Variants in PKP2 observed in about 807,000 individuals in gnomAD.
The protein encoded by PKP2 is plakophilin 2, also known as plakophilin-2.
In PKP2, 73 loss-of-function variants were observed where a neutral mutation model predicts 83.4. The observed-to-expected ratio is 0.88, with a 90% CI of 0.72 to 1.06. PKP2 has a LOEUF of 1.06. PKP2 is among the 50% of genes least tolerant of loss of function. PKP2 has a pLI of 0.00. For missense variants in PKP2, 966 were observed against 1,065.4 expected, an observed-to-expected ratio of 0.91 and a Z score of 1.30; for synonymous variants, 409 against 430.4, an observed-to-expected ratio of 0.95 and a Z score of 0.62.
chr12:32,834,400 A>C (rs1956527140), intron 6 of PKP2, among the ~76,000 whole-genome samples: 1 of 152,236 alleles, frequency 6.6e-6, no homozygotes, highest in African/African-American at 2.4e-5. Flanking sequence ...TCATTCTCAA[A>C]TTTCTGATAG....
At chr12:32,841,235 A>G in intron 5 of PKP2, 30 bp from the exon 6 acceptor site, 2 of 1,589,090 alleles carry the variant, frequency 1.3e-6, no homozygotes, top group Non-Finnish European at 1.7e-6. Context: ...CCATGAAAAC[A>G]GTGCAGGGTG....
At chr12:32,873,980 C>A (rs1314916942) in intron 3 of PKP2, among the ~76,000 whole-genome samples, 1 of 152,088 alleles carries the variant, frequency 6.6e-6, no homozygotes, top group African/African-American at 2.4e-5. Flanking sequence ...AAACCTTTTT[C>A]ATCAGTTTGA....
At chr12:32,862,923 C>T (rs1347096244) in intron 4 of PKP2, among the ~76,000 whole-genome samples, 2 of 151,860 alleles carry the variant, frequency 1.3e-5, no homozygotes, top group East Asian at 1.9e-4. Flanking sequence ...TGCATGAACA[C>T]GAAAGGTGGA....
intron 4 of PKP2, among the ~76,000 whole-genome samples, chr12:32,857,515 T>C (rs1417059079): frequency 6.6e-6 from 1 of 152,158 alleles, no homozygotes; most frequent in Admixed American, 6.6e-5. Context: ...GAAAAGCTGC[T>C]ACTGGTTTTA....
At chr12:32,813,926 G>C (rs1280500511) in intron 9 of PKP2, among the ~76,000 whole-genome samples, 5 of 152,094 alleles carry the variant, frequency 3.3e-5, no homozygotes, top group Non-Finnish European at 7.4e-5. Flanking sequence ...ATTTTCTAAT[G>C]TTTGTTCTAT....
chr12:32,892,568 G>A (rs944272627), intron 1 of PKP2, among the ~76,000 whole-genome samples: 1 of 151,974 alleles, frequency 6.6e-6, no homozygotes, highest in Non-Finnish European at 1.5e-5. Context: ...CACCCGTCTC[G>A]GCCTCCTAAA....
intron 4 of PKP2, among the ~76,000 whole-genome samples, chr12:32,864,377 T>C (rs1370030862): frequency 6.7e-6 from 1 of 149,796 alleles, no homozygotes; most frequent in Non-Finnish European, 1.5e-5. Flanking sequence ...ATATTATCTA[T>C]TCTATATACT....
In PKP2 at chr12:32,869,066, GACAA is replaced by G. The variant is rs1235665805; in HGVS notation, c.1035-8_1035-5del. 1.2e-6 allele frequency: 2 copies of G among 1,613,668 alleles called. No individual in the cohort carries two copies. Among genetic ancestry groups the G allele is most frequent in the Non-Finnish European group, 1.7e-6 (2 of 1,180,014 alleles). Reference sequence around the variant, plus strand: ...AGTCATCTCCATGTCTGCATTCCTAGACAAACAGGCACAGATTCAGCCAGATTCC... The same window carrying G: ...AGTCATCTCCATGTCTGCATTCCTAGACAGGCACAGATTCAGCCAGATTCC... On this transcript the variant is annotated splice_polypyrimidine_tract_variant and splice_region_variant and intron_variant, in intron 3 of 12. Coordinates refer to ENST00000340811, the MANE Select transcript of PKP2 (RefSeq NM_001005242.3).
At chr12:32,814,211 CA>C (rs1215384669) in intron 9 of PKP2, among the ~76,000 whole-genome samples, 2 of 152,216 alleles carry the variant, frequency 1.3e-5, no homozygotes, top group African/African-American at 4.8e-5. Context: ...TTTGCTATCA[CA>C]AGGCCTATTA....
chr12:32,829,339 T>C lies in PKP2; in HGVS notation c.1557-5177A>G, dbSNP rs144222555. 1.7e-4 allele frequency among the ~76,000 whole-genome samples: 26 copies of C among 150,960 alleles called. No individual in the cohort carries two copies. In the East Asian group the frequency reaches 5.2e-3, roughly 30 times the overall value. On this transcript the variant is annotated intron_variant, in intron 6 of 12. Coordinates refer to ENST00000340811, the MANE Select transcript of PKP2 (RefSeq NM_001005242.3). ...GCACAATCACAGCTCACTGCAGCCT[T>C]AACCTCCTCGGCTCAAGGGATCTTC...
intron 6 of PKP2, among the ~76,000 whole-genome samples, chr12:32,825,695 G>A (rs1956432820): frequency 6.6e-6 from 1 of 152,102 alleles, no homozygotes; most frequent in Non-Finnish European, 1.5e-5. Context: ...TTGAGCCCAG[G>A]AGTTTAAGAC....
At chr12:32,857,239 T>G (rs1196322945) in intron 4 of PKP2, among the ~76,000 whole-genome samples, 1 of 151,970 alleles carries the variant, frequency 6.6e-6, no homozygotes, top group East Asian at 1.9e-4. Context: ...GCCTGGGCAA[T>G]GCAGGGAGAT....
chr12:32,846,745 C>CAAAAAAA lies in PKP2; in HGVS notation c.1378+4014_1378+4020dup, dbSNP rs574053559. ...GGGTAACAAGAATGAAACTTCTTCTCAAAAAAAAAAAAAAAAAAGAAGAGA... is the reference window on the plus strand; with the variant it reads ...GGGTAACAAGAATGAAACTTCTTCTCAAAAAAAAAAAAAAAAAAAAAAAAAGAAGAGA... On this transcript the variant is annotated intron_variant, in intron 5 of 12. Coordinates refer to ENST00000340811, the MANE Select transcript of PKP2 (RefSeq NM_001005242.3). Among the ~76,000 whole-genome samples, 27 of 74,880 alleles carry CAAAAAAA rather than the reference C, an allele frequency of 3.6e-4. 1 individual carries two copies. Among genetic ancestry groups the CAAAAAAA allele is most frequent in the African/African-American group, 9.6e-4 (17 of 17,726 alleles). 49.1% of individuals were successfully genotyped at this position (74,880 alleles called of 152,430 possible). A position where few individuals can be genotyped will look rare whatever the true frequency, so the allele number is the denominator to read the frequency against.
intron 10 of PKP2, among the ~76,000 whole-genome samples, chr12:32,800,500 C>T (rs1956169396): frequency 1.3e-5 from 2 of 152,148 alleles, no homozygotes; most frequent in African/African-American, 2.4e-5. Context: ...GAGAGCTCAG[C>T]GTTCATCTAA....
intron 6 of PKP2, among the ~76,000 whole-genome samples, chr12:32,828,425 A>G (rs1956463300): frequency 1.3e-5 from 2 of 152,216 alleles, no homozygotes; most frequent in Non-Finnish European, 2.9e-5. Flanking sequence ...ATGGTAAACC[A>G]AAGAATGGAC....
At chr12:32,819,313 C>CAATAAAATAAAATAAAATAA (rs1201854178) in intron 9 of PKP2, among the ~76,000 whole-genome samples, 11 of 146,468 alleles carry the variant, frequency 7.5e-5, no homozygotes, top group South Asian at 2.2e-4. Flanking sequence ...CAATACAATA[C>CAATAAAATAAAATAAAATAA]AATAAAATAA....
chr12:32,830,790 C>A (rs1192229661), intron 6 of PKP2, among the ~76,000 whole-genome samples: 1 of 151,990 alleles, frequency 6.6e-6, no homozygotes, highest in Admixed American at 6.5e-5. Flanking sequence ...CCTGTAATCC[C>A]AGCTACTTGG....
At chr12:32,870,362 AC>A (rs1449781344) in intron 3 of PKP2, among the ~76,000 whole-genome samples, 1 of 151,848 alleles carries the variant, frequency 6.6e-6, no homozygotes, top group African/African-American at 2.4e-5. Flanking sequence ...AAAAACTAAT[AC>A]CCCCTGCTTC....
intron 3 of PKP2, among the ~76,000 whole-genome samples, chr12:32,870,494 C>A (rs1467976629): frequency 6.6e-6 from 1 of 151,082 alleles, no homozygotes; most frequent in Non-Finnish European, 1.5e-5. Flanking sequence ...TTTTAATGTG[C>A]CTCATGAGTC....
Sources: gnomAD v4.1 joint callset for allele counts (sites outside exome capture counted in the v4.1 genomes callset) on GRCh38, gnomAD v4.1.1 for gene constraint, MANE v1.5 for transcripts, NCBI Gene and HGNC (gene_info 2026-07-23, HGNC 2026-07-21) for gene names.